Variants in SORBS2 observed in about 807,000 individuals in gnomAD.
SORBS2 encodes sorbin and SH3 domain containing 2, also known as sorbin and SH3 domain-containing protein 2.
Under a neutral mutation model 97.7 loss-of-function variants are expected in SORBS2, and 46 were observed. The observed-to-expected ratio is 0.47, with a 90% CI of 0.37 to 0.60. The LOEUF (loss-of-function observed/expected upper bound fraction) is 0.60. Ranked by LOEUF, SORBS2 falls within the 20% of genes least tolerant of loss-of-function variation. The pLI is 0.00. For synonymous variants in SORBS2, 476 were observed against 473.4 expected, an observed-to-expected ratio of 1.01 and a Z score of -0.07; for missense variants, 1,316 against 1,282.3, an observed-to-expected ratio of 1.03 and a Z score of -0.40.
rs543053565 is a variant in SORBS2 at position 185,797,709 on chromosome 4, T to C, written c.-337-22343A>G. 4.6e-5 allele frequency among the ~76,000 whole-genome samples: 7 copies of C among 152,298 alleles called. No individual in the cohort carries two copies. In the South Asian group the frequency reaches 1.5e-3, roughly 32 times the overall value. On this transcript the variant is annotated intron_variant, in intron 1 of 20. Coordinates refer to the SORBS2 transcript ENST00000284776. ...AGGAGCCTGTTCCCCAAGACCAAGTTAGCACTACAGAGCTGGGAATGAATT... is the reference window on the plus strand; with the variant it reads ...AGGAGCCTGTTCCCCAAGACCAAGTCAGCACTACAGAGCTGGGAATGAATT...
chr4:185,598,433 G>T (rs1189881851), intron 12 of SORBS2, among the ~76,000 whole-genome samples: 1 of 152,138 alleles, frequency 6.6e-6, no homozygotes, highest in East Asian at 1.9e-4. Context: ...AAGGAAGCTG[G>T]TTTGAAACAT....
At chr4:185,939,969 C>A (rs190826702) in intron 1 of SORBS2, among the ~76,000 whole-genome samples, 1 of 152,206 alleles carries the variant, frequency 6.6e-6, no homozygotes, top group Non-Finnish European at 1.5e-5. Context: ...TACTTGACCT[C>A]TTGGTAGCAT....
chr4:185,635,431 A>C lies in SORBS2; in HGVS notation c.397-4833T>G. ...AGGAGGCTGGGTGTAGACGCACCAC[A>C]GAAGCAGAAGTGTAGGGATGGAATG... On this transcript the variant is annotated intron_variant, in intron 4 of 14. Transcript: ENST00000418609. 2 of 1,597,666 alleles carry C rather than the reference A, an allele frequency of 1.3e-6. No individual in the cohort carries two copies. Among genetic ancestry groups the C allele is most frequent in the Non-Finnish European group, 1.7e-6 (2 of 1,165,406 alleles).
In SORBS2 at chr4:185,607,285, G is replaced by A; in HGVS notation, c.2796+4495C>T. On this transcript the variant is annotated intron_variant, in intron 12 of 14. Coordinates refer to ENST00000418609, the Ensembl canonical transcript of SORBS2. This position sits in a 1 kb window ranked among gnomAD's most constrained non-coding sequence, Gnocchi z 5.2. Reference sequence around the variant, plus strand: ...CCAGCCCTGGCCAGTTCCCTGGAGAGCTCCTTTATCTGAGCCAGGTGAGAC... The same window carrying A: ...CCAGCCCTGGCCAGTTCCCTGGAGAACTCCTTTATCTGAGCCAGGTGAGAC... 7.8e-7 allele frequency: 1 copy of A among 1,280,440 alleles called. No individual in the cohort carries two copies. Among genetic ancestry groups the A allele is most frequent in the Non-Finnish European group, 1.0e-6 (1 of 985,314 alleles). The allele number at this position is 1,280,440 out of a possible 1,614,324, so 79.3% of individuals were successfully genotyped here.
At chr4:185,888,811 G>C (rs2099240996) in intron 1 of SORBS2, among the ~76,000 whole-genome samples, 1 of 152,110 alleles carries the variant, frequency 6.6e-6, no homozygotes, top group Non-Finnish European at 1.5e-5. Context: ...CTCAACACAG[G>C]GAAAGCCCCG....
At chr4:185,692,658 T>C (rs1342038507) in intron 2 of SORBS2, among the ~76,000 whole-genome samples, 2 of 152,162 alleles carry the variant, frequency 1.3e-5, no homozygotes, top group African/African-American at 4.8e-5. Flanking sequence ...ATGGTACTTC[T>C]CTCCCAGTGG....
chr4:185,680,921 G>C (rs1014547053), intron 2 of SORBS2, among the ~76,000 whole-genome samples: 1 of 152,172 alleles, frequency 6.6e-6, no homozygotes, highest in African/African-American at 2.4e-5. Context: ...AGGCTCAACT[G>C]TGGGTTTCTT....
intron 2 of SORBS2, among the ~76,000 whole-genome samples, chr4:185,747,886 G>T (rs1012736290): frequency 6.6e-6 from 1 of 152,110 alleles, no homozygotes; most frequent in Non-Finnish European, 1.5e-5. Flanking sequence ...AGCTACTTGG[G>T]AGGCTGAGGC....
chr4:185,858,547 AT>A (rs2099221945), intron 1 of SORBS2, among the ~76,000 whole-genome samples: 1 of 152,192 alleles, frequency 6.6e-6, no homozygotes, highest in Non-Finnish European at 1.5e-5. Flanking sequence ...TCAGATTGCC[AT>A]TTGCCACATT....
At chr4:185,666,074 C>T (rs1351495199) in intron 4 of SORBS2, 1 of 1,289,674 alleles carries the variant, frequency 7.8e-7, no homozygotes. Flanking sequence ...GTGCCACTGC[C>T]TGGTGAGAAA....
At chr4:185,609,413 A>G (rs1260149647) in intron 12 of SORBS2, among the ~76,000 whole-genome samples, 1 of 152,178 alleles carries the variant, frequency 6.6e-6, no homozygotes, top group African/African-American at 2.4e-5. Context: ...CATTACTGCC[A>G]CCATCACCAT....
chr4:185,630,593 G>T, exon 5 of SORBS2: 1 of 1,596,850 alleles, frequency 6.3e-7, no homozygotes, highest in Non-Finnish European at 8.5e-7. Context: ...ACTGATACAA[G>T]GAGGCCTGTT....
At chr4:185,923,462 C>CTTTTAATTTT (rs1253896819) in intron 1 of SORBS2, among the ~76,000 whole-genome samples, 2 of 61,912 alleles carry the variant, frequency 3.2e-5, no homozygotes, top group Non-Finnish European at 7.3e-5. Context: ...GGCTAAGTTT[C>CTTTTAATTTT]TTTTTTTTAA....
chr4:185,895,530 C>G lies in SORBS2; in HGVS notation c.-338+60666G>C, dbSNP rs141652237. On this transcript the variant is annotated intron_variant, in intron 1 of 20. Transcript: ENST00000284776. ...CAGCGGTCATGGCGCCCGGGCGACA[C>G]CTGGTGCTGCATGGCAGTGGCATCA... 8.1e-3 allele frequency among the ~76,000 whole-genome samples: 1,227 copies of G among 152,336 alleles called. 12 individuals carry two copies. The highest frequency in any genetic ancestry group is 0.013 in the Non-Finnish European group (852 of 68,024).
At chr4:185,711,095 G>C (rs2098416571) in intron 2 of SORBS2, among the ~76,000 whole-genome samples, 1 of 151,960 alleles carries the variant, frequency 6.6e-6, no homozygotes, top group African/African-American at 2.4e-5. Flanking sequence ...TCAGCCTCTT[G>C]AGTAGCTGGG....
chr4:185,731,070 T>C (rs2098619232), intron 2 of SORBS2, among the ~76,000 whole-genome samples: 1 of 152,236 alleles, frequency 6.6e-6, no homozygotes, highest in Non-Finnish European at 1.5e-5. Context: ...AGCCATGATC[T>C]TTTTATAGCT....
At chr4:185,741,400 T>G (rs79118476) in intron 2 of SORBS2, among the ~76,000 whole-genome samples, 3 of 115,518 alleles carry the variant, frequency 2.6e-5, no homozygotes, top group Admixed American at 1.8e-4. Context: ...TTTCTTTTTT[T>G]TTTGTTTTTT....
At chr4:185,726,637 T>G (rs2098556244) in intron 2 of SORBS2, among the ~76,000 whole-genome samples, 1 of 150,554 alleles carries the variant, frequency 6.6e-6, no homozygotes, top group Admixed American at 6.6e-5. Context: ...ATTATATATA[T>G]AATATATTTT....
At chr4:185,817,796 A>G (rs938255498) in intron 1 of SORBS2, among the ~76,000 whole-genome samples, 16 of 152,266 alleles carry the variant, frequency 1.1e-4, no homozygotes, top group Non-Finnish European at 2.1e-4. Flanking sequence ...GAAGAAGATC[A>G]TGCTAAAGCC....
Sources: allele counts gnomAD v4.1 joint callset (sites outside exome capture counted in the v4.1 genomes callset), GRCh38; gene constraint gnomAD v4.1.1; non-coding constraint Gnocchi (gnomAD v3.1); transcripts MANE v1.5; gene names NCBI Gene and HGNC (gene_info 2026-07-23, HGNC 2026-07-21).